The following SREBF2 variants were observed in gnomAD, a reference collection of about 807,000 sequenced individuals.
SREBF2 encodes the protein sterol regulatory element-binding protein 2.
In SREBF2, 55 loss-of-function variants were observed where a neutral mutation model predicts 113.1. The observed-to-expected ratio is 0.49, with a 90% CI of 0.39 to 0.61. The LOEUF is 0.61. SREBF2 is among the 20% of genes least tolerant of loss of function. SREBF2 has a pLI of 0.00. For missense variants in SREBF2, 1,349 were observed against 1,487.4 expected (o/e 0.91, Z 1.53); for synonymous variants, 593 against 605.7 (o/e 0.98, Z 0.31).
intron 14 of SREBF2, 93 bp downstream of exon 14, chr22:41,897,254 G>A: frequency 1.3e-6 from 1 of 742,832 alleles, no homozygotes; most frequent in Admixed American, 2.6e-5. Flanking sequence ...TAGGAGTGTA[G>A]ATGCCAGCAT....
chr22:41,834,492 A>C (rs1247234513), intron 1 of SREBF2: 1 of 152,704 alleles, frequency 6.5e-6, no homozygotes, highest in East Asian at 1.9e-4. Context: ...TTCAGTTTTC[A>C]GAATGCTTTC....
intron 1 of SREBF2, among the ~76,000 whole-genome samples, chr22:41,861,667 A>G (rs1365058817): frequency 2.0e-5 from 3 of 152,178 alleles, no homozygotes; most frequent in Non-Finnish European, 1.5e-5. Context: ...TCACACCTGT[A>G]ATCCTAGCAC....
At chr22:41,841,243 A>G (rs913516833) in intron 1 of SREBF2, among the ~76,000 whole-genome samples, 1 of 152,220 alleles carries the variant, frequency 6.6e-6, no homozygotes, top group African/African-American at 2.4e-5. Flanking sequence ...GCTCAGTGAG[A>G]TGAAGCACAG....
chr22:41,877,018 A>G (rs2077202723), intron 7 of SREBF2, among the ~76,000 whole-genome samples: 2 of 152,150 alleles, frequency 1.3e-5, no homozygotes, highest in Non-Finnish European at 2.9e-5. Context: ...TGGAACATGT[A>G]CTTTTCTCAG....
intron 1 of SREBF2, among the ~76,000 whole-genome samples, chr22:41,845,229 A>G (rs945434887): frequency 3.3e-5 from 5 of 152,036 alleles, no homozygotes; most frequent in African/African-American, 1.2e-4. Context: ...GCGCCTGCCC[A>G]TGGCTTGATT....
Position 41,905,766 on chromosome 22 carries a change from C to A in SREBF2, c.*106C>A. On this transcript the variant is annotated 3_prime_UTR_variant, in exon 19 of 19. Coordinates refer to ENST00000361204, the MANE Select transcript of SREBF2 (RefSeq NM_004599.4). ...GGAAGAGCCTTGTCTTCTTAGCTGT[C>A]ACCTGCCGAGGCTTCTGGGCCACTC... 7.6e-7 allele frequency: 1 copy of A among 1,321,896 alleles called. No homozygotes were observed. The highest frequency in any genetic ancestry group is 1.1e-6 in the Non-Finnish European group (1 of 939,610). The allele number at this position is 1,321,896 out of a possible 1,614,324, so 81.9% of individuals were successfully genotyped here.
At chr22:41,898,286 T>C (rs1003867360) in intron 14 of SREBF2, among the ~76,000 whole-genome samples, 1 of 152,066 alleles carries the variant, frequency 6.6e-6, no homozygotes, top group Admixed American at 6.5e-5. Flanking sequence ...GCTAATTTTT[T>C]TGTGTATTTT....
At chr22:41,856,371 T>G (rs2076978029) in intron 1 of SREBF2, among the ~76,000 whole-genome samples, 1 of 151,902 alleles carries the variant, frequency 6.6e-6, no homozygotes, top group African/African-American at 2.4e-5. Context: ...TTGAGCGATC[T>G]GGCCACCTCA....
chr22:41,899,366 G>C, intron 15 of SREBF2: 1 of 1,012,758 alleles, frequency 9.9e-7, no homozygotes, highest in Non-Finnish European at 1.2e-6. Flanking sequence ...GGGGGCATTC[G>C]GCACTAGTGA....
chr22:41,888,792 T>G (rs887878974), intron 11 of SREBF2, among the ~76,000 whole-genome samples: 4 of 152,202 alleles, frequency 2.6e-5, no homozygotes, highest in Admixed American at 1.3e-4. Context: ...AACTTAATAG[T>G]ATTACCAAAT....
chr22:41,849,664 A>G (rs567042578), intron 1 of SREBF2, among the ~76,000 whole-genome samples: 3 of 152,220 alleles, frequency 2.0e-5, no homozygotes, highest in Non-Finnish European at 2.9e-5. Context: ...TGTTCTAGAA[A>G]ACAGCATCTT....
rs534919003 is a variant in SREBF2, at chr22:41,837,946, A to G, written c.88+4588A>G. On this transcript the variant is annotated intron_variant, in intron 1 of 18. Transcript: ENST00000361204. ...AAAAAAAAAGTACTATAGGCACCCA[A>G]TAAAGCATGTGTGCTAGTTGATCTC... Among the ~76,000 whole-genome samples, 27 of 152,244 alleles carry G rather than the reference A, an allele frequency of 1.8e-4. No individual in the cohort carries two copies. The South Asian group carries it at 5.2e-3, about 29-fold the overall frequency.
Position 41,862,026 on chromosome 22 carries a change from G to GTATTTA in SREBF2, c.89-4805_89-4804insTATTTA, listed in dbSNP as rs1229735362. On this transcript the variant is annotated intron_variant, in intron 1 of 18. Transcript: ENST00000361204. ...AACTAGGTTTCCCAGCCCCTAATAG[G>GTATTTA]GCTGGGTAACAAATACCTGTTAAAG... 2.4e-3 allele frequency among the ~76,000 whole-genome samples: 366 copies of GTATTTA among 152,206 alleles called. 4 individuals carry two copies. The highest frequency in any genetic ancestry group is 8.2e-3 in the African/African-American group (342 of 41,528).
Position 41,894,884 on chromosome 22 carries a change from C to T in SREBF2, c.2442C>T (p.Ser814=), listed in dbSNP as rs1208114055. The change falls in exon 13 of 19, where the codon TCC becomes TCT. Residue 814 remains serine, a synonymous_variant. Transcript: ENST00000361204. The part of the protein sequence containing the change: ...CKNLLERAIE[S]LVKPQAKKKA... ...ACCTGCTGGAGCGAGCTATAGAGTC[C>T]TTGGTGAAACCTCAGGCCAAGAAGA... is the stretch of plus-strand genomic sequence containing the variant. 19 of 1,614,114 alleles carry T rather than the reference C, an allele frequency of 1.2e-5. No homozygotes were observed. The highest frequency in any genetic ancestry group is 1.5e-5 in the Non-Finnish European group (18 of 1,180,024).
At chr22:41,871,060 C>G (rs766527761) in intron 4 of SREBF2, 25 bp downstream of exon 4, 2 of 1,613,814 alleles carry the variant, frequency 1.2e-6, no homozygotes, top group Non-Finnish European at 1.7e-6. Context: ...CTCCCCCACC[C>G]TCCTCCCTCC....
chr22:41,882,250 G>A (rs971475504), intron 10 of SREBF2, among the ~76,000 whole-genome samples: 4 of 152,148 alleles, frequency 2.6e-5, no homozygotes, highest in East Asian at 1.9e-4. Flanking sequence ...CAGCTAAGAC[G>A]GTTCCCTGGT....
At chr22:41,904,042 CA>C (rs1307631108) in intron 17 of SREBF2, among the ~76,000 whole-genome samples, 1 of 152,218 alleles carries the variant, frequency 6.6e-6, no homozygotes, top group Non-Finnish European at 1.5e-5. Context: ...TGGCTGGCAT[CA>C]GTGGCCTTTT....
chr22:41,851,917 A>G lies in SREBF2; in HGVS notation c.89-14914A>G, dbSNP rs1040572430. 7.1e-4 allele frequency among the ~76,000 whole-genome samples: 108 copies of G among 152,006 alleles called. 2 individuals are homozygous for G. Among genetic ancestry groups the G allele is most frequent in the Non-Finnish European group, 1.9e-4 (13 of 67,966 alleles). ...GGGTGGATCACAAGGTCAGGAGATC[A>G]AGACCATCCTGGCTAACACGGTGAA... On this transcript the variant is annotated intron_variant, in intron 1 of 18. Transcript: ENST00000361204.
intron 4 of SREBF2, among the ~76,000 whole-genome samples, chr22:41,871,627 C>T (rs1394960581): frequency 2.0e-5 from 3 of 152,182 alleles, no homozygotes; most frequent in South Asian, 2.1e-4. Context: ...CACGGTGGCT[C>T]ACGCCTGTAA....
Sources: gnomAD v4.1 joint callset for allele counts (sites outside exome capture counted in the v4.1 genomes callset) on GRCh38, gnomAD v4.1.1 for gene constraint, MANE v1.5 for transcripts, NCBI Gene and HGNC (gene_info 2026-07-23, HGNC 2026-07-21) for gene names.